Variants in ARSB observed in about 807,000 individuals in gnomAD.
ARSB encodes arylsulfatase B, also known as N-acetylgalactosamine-4-sulfatase.
Under a neutral mutation model 50.9 loss-of-function variants are expected in ARSB, and 41 were observed. The ratio of observed to expected loss-of-function variants is 0.81; its 90% CI spans 0.63 to 1.04. ARSB has a LOEUF of 1.04. ARSB is among the 50% of genes least tolerant of loss of function. ARSB has a pLI of 0.00. For missense variants in ARSB, 672 were observed against 693.3 expected (o/e 0.97, Z 0.35); for synonymous variants, 269 against 284.8 (o/e 0.94, Z 0.56).
chr5:78,951,548 G>A (rs898780380), intron 4 of ARSB, among the ~76,000 whole-genome samples: 6 of 152,094 alleles, frequency 3.9e-5, no homozygotes, highest in African/African-American at 1.4e-4. Context: ...GCTGAATCAG[G>A]GATTCAACAC....
rs184952419 is a variant in ARSB, at chr5:78,967,427, C to T, written c.499+1579G>A. 3.5e-3 allele frequency among the ~76,000 whole-genome samples: 527 copies of T among 152,280 alleles called. 1 individual carries two copies. Among genetic ancestry groups the T allele is most frequent in the Middle Eastern group, 0.014 (4 of 294 alleles). The stretch of plus-strand genomic sequence containing the variant: ...CGGTGGCTCACACCTGTAATCCCAG[C>T]ACTTTGGGAGGCCAAGATGGGTGGG... On this transcript the variant is annotated intron_variant, in intron 2 of 7. Transcript: ENST00000264914.
At chr5:78,921,369 CGTGT>C (rs376298282) in intron 4 of ARSB, among the ~76,000 whole-genome samples, 1 of 148,942 alleles carries the variant, frequency 6.7e-6, no homozygotes, top group Admixed American at 6.8e-5. Flanking sequence ...ACAGACTGTG[CGTGT>C]GTGTGTGTGT....
chr5:78,869,330 A>T (rs1419132329), intron 5 of ARSB, among the ~76,000 whole-genome samples: 1 of 138,326 alleles, frequency 7.2e-6, no homozygotes, highest in Non-Finnish European at 1.6e-5. Context: ...ACATCTACAG[A>T]ACTCTCCACC....
chr5:78,872,819 A>T (rs1458774989), intron 5 of ARSB, among the ~76,000 whole-genome samples: 2 of 146,982 alleles, frequency 1.4e-5, no homozygotes, highest in Non-Finnish European at 1.5e-5. Context: ...GTATAATTAA[A>T]AAAAAAAAAA....
intron 6 of ARSB, among the ~76,000 whole-genome samples, chr5:78,829,657 G>A (rs1338184667): frequency 3.3e-5 from 5 of 152,056 alleles, no homozygotes; most frequent in South Asian, 4.1e-4. Context: ...TAAACAGGCC[G>A]TTTAGTCTGT....
intron 6 of ARSB, among the ~76,000 whole-genome samples, chr5:78,785,028 G>A (rs1749040771): frequency 6.6e-6 from 1 of 152,132 alleles, no homozygotes; most frequent in African/African-American, 2.4e-5. Context: ...TGGAACTCCT[G>A]ACCTCATGAT....
intron 5 of ARSB, among the ~76,000 whole-genome samples, chr5:78,845,511 C>A (rs1032835492): frequency 6.6e-6 from 1 of 152,090 alleles, no homozygotes; most frequent in South Asian, 2.1e-4. Context: ...GATAAGAGTA[C>A]CCCTTTCTCT....
chr5:78,826,941 C>G (rs895988000), intron 6 of ARSB, among the ~76,000 whole-genome samples: 1 of 152,110 alleles, frequency 6.6e-6, no homozygotes, highest in African/African-American at 2.4e-5. Flanking sequence ...TCACCTATGA[C>G]AGGAAGTCCC....
intron 5 of ARSB, among the ~76,000 whole-genome samples, chr5:78,880,458 G>A (rs1037961041): frequency 1.3e-5 from 2 of 151,904 alleles, no homozygotes; most frequent in Non-Finnish European, 2.9e-5. Flanking sequence ...TGCAAGCCAG[G>A]GTTTACAACA....
intron 6 of ARSB, among the ~76,000 whole-genome samples, chr5:78,798,112 T>C (rs1743244337): frequency 6.6e-6 from 1 of 152,170 alleles, no homozygotes; most frequent in Non-Finnish European, 1.5e-5. Context: ...GCTTTTAACA[T>C]ATAATGGCCA....
chr5:78,816,463 G>A (rs1157287606), intron 6 of ARSB, among the ~76,000 whole-genome samples: 1 of 152,142 alleles, frequency 6.6e-6, no homozygotes, highest in Non-Finnish European at 1.5e-5. Flanking sequence ...TGGATTTCCA[G>A]GTGTCATTCC....
At chr5:78,932,252 T>C (rs1352117262) in intron 4 of ARSB, among the ~76,000 whole-genome samples, 1 of 152,232 alleles carries the variant, frequency 6.6e-6, no homozygotes, top group African/African-American at 2.4e-5. Context: ...CAGATACCGC[T>C]TTACCTCCCA....
chr5:78,928,934 T>A (rs1001116514), intron 4 of ARSB, among the ~76,000 whole-genome samples: 4 of 152,142 alleles, frequency 2.6e-5, no homozygotes, highest in Admixed American at 1.3e-4. Flanking sequence ...CTAGTCAACA[T>A]GCTCAGAACA....
At chr5:78,971,387 T>C (rs1036112109) in intron 1 of ARSB, among the ~76,000 whole-genome samples, 8 of 152,282 alleles carry the variant, frequency 5.3e-5, no homozygotes, top group African/African-American at 1.9e-4. Context: ...GCTCTTGATT[T>C]ATAGAATAAA....
chr5:78,840,104 A>C (rs1745134781), intron 5 of ARSB, among the ~76,000 whole-genome samples: 1 of 152,202 alleles, frequency 6.6e-6, no homozygotes, highest in African/African-American at 2.4e-5. Flanking sequence ...GTGACTCTCA[A>C]AGCAGTGTTC....
intron 6 of ARSB, among the ~76,000 whole-genome samples, chr5:78,804,418 TAG>T (rs1280508194): frequency 2.0e-5 from 3 of 151,996 alleles, no homozygotes; most frequent in African/African-American, 7.3e-5. Flanking sequence ...GGAAAAAAAG[TAG>T]AGAGTAAGTT....
In ARSB at chr5:78,797,498, G is replaced by C. The variant is rs1051482222; in HGVS notation, c.1214-15524C>G. ...CACTTCCTTCTCACATCATTCCTTCGATGGTGCTCCACTCCTGTATTTCAC... is the reference window on the plus strand; with the variant it reads ...CACTTCCTTCTCACATCATTCCTTCCATGGTGCTCCACTCCTGTATTTCAC... On this transcript the variant is annotated intron_variant, in intron 6 of 7. Transcript: ENST00000264914. 6.6e-5 allele frequency among the ~76,000 whole-genome samples: 10 copies of C among 152,244 alleles called. No individual in the cohort carries two copies. The East Asian group carries it at 1.9e-3, about 29-fold the overall frequency.
chr5:78,897,724 T>G (rs1326293074), intron 4 of ARSB, among the ~76,000 whole-genome samples: 1 of 152,126 alleles, frequency 6.6e-6, no homozygotes, highest in Non-Finnish European at 1.5e-5. Flanking sequence ...AATATTTGTA[T>G]TTTTGTAATA....
intron 4 of ARSB, among the ~76,000 whole-genome samples, chr5:78,895,301 A>G (rs892197396): frequency 6.6e-6 from 1 of 152,220 alleles, no homozygotes; most frequent in Non-Finnish European, 1.5e-5. Context: ...ACCACAAACT[A>G]AAGTGTCTTT....
Sources: allele counts gnomAD v4.1 joint callset (sites outside exome capture counted in the v4.1 genomes callset), GRCh38; gene constraint gnomAD v4.1.1; transcripts MANE v1.5; gene names NCBI Gene and HGNC (gene_info 2026-07-23, HGNC 2026-07-21).